ITGBL1: variants seen among roughly 807,000 people sequenced by gnomAD.
ITGBL1 encodes the protein integrin subunit beta like 1, also known as integrin beta-like protein 1.
In ITGBL1, 51 loss-of-function variants were observed where a neutral mutation model predicts 68.5. The observed-to-expected ratio is 0.74, with a 90% CI of 0.59 to 0.94. ITGBL1 has a LOEUF of 0.94. Among genes scored for constraint, ITGBL1 ranks in the 40% least tolerant of loss-of-function variants. The pLI is 0.00. For missense variants in ITGBL1, 649 were observed against 647.4 expected, an observed-to-expected ratio of 1.00 and a Z score of -0.03; for synonymous variants, 209 against 227.3, an observed-to-expected ratio of 0.92 and a Z score of 0.72.
chr13:101,644,174 G>A (rs751952996), intron 7 of ITGBL1, among the ~76,000 whole-genome samples: 28 of 152,088 alleles, frequency 1.8e-4, no homozygotes, highest in Non-Finnish European at 3.4e-4. Context: ...TACTTGTCGA[G>A]TACAGTCTAA....
chr13:101,654,061 T>G (rs765621165), intron 7 of ITGBL1, among the ~76,000 whole-genome samples: 1 of 151,676 alleles, frequency 6.6e-6, no homozygotes, highest in Non-Finnish European at 1.5e-5. Context: ...GACAAGACAG[T>G]GAACAAAATT....
At chr13:101,498,592 G>A (rs933433432) in intron 2 of ITGBL1, among the ~76,000 whole-genome samples, 1 of 152,132 alleles carries the variant, frequency 6.6e-6, no homozygotes, top group Non-Finnish European at 1.5e-5. Flanking sequence ...AGAAAAAATA[G>A]GAAGAGGTTA....
chr13:101,660,529 T>C (rs748526425), intron 7 of ITGBL1, among the ~76,000 whole-genome samples: 4 of 152,166 alleles, frequency 2.6e-5, no homozygotes, highest in Non-Finnish European at 5.9e-5. Flanking sequence ...TCTGGAATAA[T>C]GGGTGTTAAT....
At position 101,699,356 on chromosome 13, in the gene ITGBL1, C is replaced by T. The variant is rs904127961; in HGVS notation, c.1132+6655C>T. Among the ~76,000 whole-genome samples the T allele has an allele frequency of 5.9e-5, 9 of 152,066 alleles. No individual in the cohort carries two copies. In the East Asian group the frequency reaches 1.2e-3, roughly 20 times the overall value. Reference sequence around the variant, plus strand: ...CTTCTGCTCTGCCCTTCCAGTATGACGTTTATCATTGTTATGGTTTGGCTG... The same window carrying T: ...CTTCTGCTCTGCCCTTCCAGTATGATGTTTATCATTGTTATGGTTTGGCTG... On this transcript the variant is annotated intron_variant, in intron 8 of 10. Transcript: ENST00000376180.
chr13:101,632,676 C>A (rs1285483281), intron 7 of ITGBL1, among the ~76,000 whole-genome samples: 3 of 152,114 alleles, frequency 2.0e-5, no homozygotes, highest in Non-Finnish European at 4.4e-5. Context: ...ATTTATATAG[C>A]TTGTATTTTA....
intron 8 of ITGBL1, among the ~76,000 whole-genome samples, chr13:101,703,343 A>G (rs2034179064): frequency 6.6e-6 from 1 of 152,198 alleles, no homozygotes; most frequent in African/African-American, 2.4e-5. Flanking sequence ...CCTCTGCAAA[A>G]ACATGAGGTC....
intron 7 of ITGBL1, among the ~76,000 whole-genome samples, chr13:101,614,286 T>C (rs1270857827): frequency 2.0e-5 from 3 of 152,234 alleles, no homozygotes; most frequent in East Asian, 1.9e-4. Flanking sequence ...TGAAAAATAA[T>C]ATGGAGGAAT....
At chr13:101,652,815 C>T (rs374051927) in intron 7 of ITGBL1, among the ~76,000 whole-genome samples, 15 of 152,096 alleles carry the variant, frequency 9.9e-5, no homozygotes, top group East Asian at 5.8e-4. Flanking sequence ...GAAACTTGAG[C>T]GGCCGGGTGT....
chr13:101,714,135 T>G, intron 9 of ITGBL1: 1 of 265,158 alleles, frequency 3.8e-6, no homozygotes, highest in Non-Finnish European at 7.1e-6. Flanking sequence ...AATACTTTTT[T>G]GGAAGACCAT....
At chr13:101,555,696 G>A (rs1340022212) in intron 2 of ITGBL1, among the ~76,000 whole-genome samples, 1 of 151,842 alleles carries the variant, frequency 6.6e-6, no homozygotes, top group Non-Finnish European at 1.5e-5. Flanking sequence ...GTGTGTGTGT[G>A]TATGTTTTAT....
intron 7 of ITGBL1, among the ~76,000 whole-genome samples, chr13:101,613,124 A>C (rs2031211864): frequency 6.6e-6 from 1 of 152,170 alleles, no homozygotes; most frequent in Non-Finnish European, 1.5e-5. Flanking sequence ...TGGCATTAGA[A>C]CAATTGCTGT....
chr13:101,491,184 A>G (rs2048770578), intron 2 of ITGBL1, among the ~76,000 whole-genome samples: 1 of 152,180 alleles, frequency 6.6e-6, no homozygotes, highest in Non-Finnish European at 1.5e-5. Context: ...GTGATTAAAG[A>G]TTATGAATAA....
chr13:101,541,608 G>A (rs1345864066), intron 2 of ITGBL1, among the ~76,000 whole-genome samples: 5 of 152,128 alleles, frequency 3.3e-5, no homozygotes, highest in Non-Finnish European at 7.4e-5. Flanking sequence ...TCTGTTGATT[G>A]GAATAGTTTC....
rs1362743531 is a variant in ITGBL1, at chr13:101,708,980, C to T, written c.1279+2078C>T. Among the ~76,000 whole-genome samples the T allele has an allele frequency of 2.6e-5, 4 of 152,210 alleles. No individual in the cohort carries two copies. In the East Asian group the frequency reaches 5.8e-4, roughly 22 times the overall value. On this transcript the variant is annotated intron_variant, in intron 9 of 10. Transcript: ENST00000376180. ...GGCTTCAGCCCCTAGAAACACCTAC[C>T]TTGAATTCAAGCTGTGTTGGGACAA...
rs143555078 is a variant in ITGBL1 at position 101,616,241 on chromosome 13, C to T, written c.1015+17942C>T. Among the ~76,000 whole-genome samples, 59 of 152,192 alleles carry T rather than the reference C, an allele frequency of 3.9e-4. No homozygotes were observed. The South Asian group carries it at 5.2e-3, about 13-fold the overall frequency. ...GAAGAATATGTCCAAGACAGGAAAT[C>T]CCATCACGAAGCACAGAAAGATGAA... On this transcript the variant is annotated intron_variant, in intron 7 of 10. Transcript: ENST00000376180.
intron 2 of ITGBL1, among the ~76,000 whole-genome samples, chr13:101,521,814 T>C (rs144569040): frequency 1.5e-4 from 23 of 152,294 alleles, no homozygotes; most frequent in African/African-American, 4.8e-4. Flanking sequence ...TTTCTTTCTT[T>C]TTCCTTACCT....
downstream of ITGBL1, chr13:101,719,608 A>G (rs970675240): frequency 3.3e-5 from 5 of 152,144 alleles, no homozygotes; most frequent in African/African-American, 9.7e-5. Context: ...TTGAAATACC[A>G]AAACAACATT....
chr13:101,705,320 A>AAC (rs1491327087), intron 8 of ITGBL1, among the ~76,000 whole-genome samples: 55 of 148,552 alleles, frequency 3.7e-4, no homozygotes, highest in African/African-American at 1.2e-3. Context: ...CAACAACAAC[A>AAC]AAAAAAAATA....
At chr13:101,682,536 A>G (rs2033668260) in intron 7 of ITGBL1, among the ~76,000 whole-genome samples, 1 of 152,198 alleles carries the variant, frequency 6.6e-6, no homozygotes, top group East Asian at 1.9e-4. Flanking sequence ...AATTATTTCA[A>G]GTTTGCAGTT....
Sources: gnomAD v4.1 joint callset for allele counts (sites outside exome capture counted in the v4.1 genomes callset) on GRCh38, gnomAD v4.1.1 for gene constraint, MANE v1.5 for transcripts, NCBI Gene and HGNC (gene_info 2026-07-23, HGNC 2026-07-21) for gene names.